The following CABP1 variants were observed in gnomAD, a reference collection of about 807,000 sequenced individuals.
CABP1 encodes calcium binding protein 1.
CABP1 carries 17 observed loss-of-function variants against 34.3 expected under a neutral mutation model. The ratio of observed to expected loss-of-function variants is 0.50; its 90% CI spans 0.34 to 0.74. The LOEUF is 0.74. Among genes scored for constraint, CABP1 ranks in the 30% least tolerant of loss-of-function variants. CABP1 has a pLI of 0.01. For missense variants in CABP1, 373 were observed against 511.1 expected (o/e 0.73, Z 2.61); for synonymous variants, 198 against 229.2 (o/e 0.86, Z 1.23).
Position 120,641,909 on chromosome 12 carries a change from C to CAGAG in CABP1, c.654+571_654+574dup, listed in dbSNP as rs1351343373. ...GTCTGGGTAGGCATGGAGGGGCATGCAGAGCTGTGGCTCAAACTGGAACTT... is the reference window on the plus strand; with the variant it reads ...GTCTGGGTAGGCATGGAGGGGCATGCAGAGAGAGCTGTGGCTCAAACTGGAACTT... On this transcript the variant is annotated intron_variant, in intron 1 of 5. Transcript: ENST00000316803. This position sits in a 1 kb window ranked among gnomAD's most constrained non-coding sequence, Gnocchi z 6.7. 6.6e-6 allele frequency among the ~76,000 whole-genome samples: 1 copy of CAGAG among 151,684 alleles called. No individual in the cohort carries two copies. The highest frequency in any genetic ancestry group is 1.5e-5 in the Non-Finnish European group (1 of 67,946).
chr12:120,652,231 G>A (rs1879890840), intron 1 of CABP1, among the ~76,000 whole-genome samples: 2 of 152,112 alleles, frequency 1.3e-5, no homozygotes, highest in African/African-American at 4.8e-5. Context: ...AACCATAATT[G>A]TTCCACTCTG....
intron 1 of CABP1, among the ~76,000 whole-genome samples, chr12:120,645,851 C>T (rs1713500625): frequency 6.6e-6 from 1 of 152,024 alleles, no homozygotes; most frequent in African/African-American, 2.4e-5. Context: ...ATGAGGAAGG[C>T]TCAAGAGAGA....
chr12:120,675,755 T>C, the CABP1 span, among the ~76,000 whole-genome samples: 1 of 152,322 alleles, frequency 6.6e-6, no homozygotes, highest in African/African-American at 2.4e-5. Context: ...CATAGTGTCT[T>C]CAGTGTCTAG....
chr12:120,674,643 C>A, the CABP1 span, among the ~76,000 whole-genome samples: 125 of 152,270 alleles, frequency 8.2e-4, no homozygotes, highest in Middle Eastern at 3.4e-3. Context: ...AATCTCAGCA[C>A]TTTGGGAGGC....
At chr12:120,659,684 G>T (rs3889469) in intron 1 of CABP1, 194 bp from the exon 2 acceptor site, 6 of 530,288 alleles carry the variant, frequency 1.1e-5, no homozygotes, top group Admixed American at 3.7e-5. Context: ...CCTGTTAGGG[G>T]CCCAGGAGCT....
chr12:120,673,874 G>A, the CABP1 span, among the ~76,000 whole-genome samples: 14 of 152,170 alleles, frequency 9.2e-5, 1 homozygote, highest in East Asian at 1.9e-4. Flanking sequence ...TGCCTGGCAC[G>A]CAGTAAGCAT....
downstream of CABP1, among the ~76,000 whole-genome samples, chr12:120,672,305 A>T (rs150604845): frequency 7.6e-4 from 116 of 152,256 alleles, no homozygotes; most frequent in East Asian, 0.022. Context: ...TACAGGTCAA[A>T]TGGCTCATAT....
intron 1 of CABP1, among the ~76,000 whole-genome samples, chr12:120,652,813 G>T (rs141767071): frequency 1.8e-3 from 267 of 152,266 alleles, no homozygotes; most frequent in African/African-American, 6.2e-3. Context: ...AGGTCATGAG[G>T]CACACTTGCC....
chr12:120,666,703 C>G (rs968586011), intron 5 of CABP1, among the ~76,000 whole-genome samples, 172 bp from the exon 6 acceptor site: 1 of 152,164 alleles, frequency 6.6e-6, no homozygotes, highest in South Asian at 2.1e-4. Flanking sequence ...GCGGTCAGAT[C>G]CGCAGATTAG....
At chr12:120,655,681 G>A in intron 1 of CABP1, 12 of 1,429,476 alleles carry the variant, frequency 8.4e-6, no homozygotes, top group Middle Eastern at 2.6e-4. Flanking sequence ...TGAATTGGGA[G>A]GTTGGGAGCA....
At chr12:120,655,701 A>C (rs1428604769) in intron 1 of CABP1, 1 of 1,428,054 alleles carries the variant, frequency 7.0e-7, no homozygotes, top group South Asian at 1.5e-5. Context: ...ATTTTGGGAA[A>C]GGATGTTGTC....
At chr12:120,677,163 C>G in the CABP1 span, among the ~76,000 whole-genome samples, 1 of 147,862 alleles carries the variant, frequency 6.8e-6, no homozygotes, top group African/African-American at 2.5e-5. Context: ...TCTCAGCTCA[C>G]TGCAACCTCC....
At chr12:120,652,426 G>A (rs544786527) in intron 1 of CABP1, among the ~76,000 whole-genome samples, 63 of 148,644 alleles carry the variant, frequency 4.2e-4, no homozygotes, top group Admixed American at 7.4e-4. Context: ...TCTCTTTTCC[G>A]CTACATAGTT....
At chr12:120,656,404 C>A in intron 1 of CABP1, 1 of 786,484 alleles carries the variant, frequency 1.3e-6, no homozygotes, top group South Asian at 2.6e-5. Flanking sequence ...GTTTTCCACT[C>A]ATGGCTACAA....
At position 120,660,930 on chromosome 12, in the gene CABP1, C is replaced by T; in HGVS notation, c.939+90C>T. ...CAAAAGAAGCCTGAGCCTCAAGTCC[C>T]AGATCAGGGGAGGGAGCTTGGACAG... On this transcript the variant is annotated intron_variant, in intron 4 of 5. Transcript: ENST00000316803. This position sits in a 1 kb window ranked among gnomAD's most constrained non-coding sequence, Gnocchi z 5.0. 7.2e-7 allele frequency: 1 copy of T among 1,383,250 alleles called. No individual in the cohort carries two copies. The highest frequency in any genetic ancestry group is 1.4e-5 in the African/African-American group (1 of 70,390). 85.7% of individuals were successfully genotyped at this position (1,383,250 alleles called of 1,614,324 possible).
chr12:120,671,320 C>G (rs1445932993), downstream of CABP1, among the ~76,000 whole-genome samples: 2 of 152,308 alleles, frequency 1.3e-5, no homozygotes, highest in East Asian at 3.9e-4. Context: ...AGGAGAATCA[C>G]TTGGGAGGCA....
chr12:120,652,695 C>T (rs555379), intron 1 of CABP1, among the ~76,000 whole-genome samples: 4 of 152,070 alleles, frequency 2.6e-5, no homozygotes, highest in Middle Eastern at 3.4e-3. Context: ...GTCCCCTCCC[C>T]GCTCACCAGG....
rs2137323812 is a variant in CABP1 at position 120,641,615 on chromosome 12, G to C, written c.654+276G>C. ...GCCAGAACCCGCCAGTCCTGGAAGA[G>C]AGCGACCTCTACGACCGTCCTGGAG... On this transcript the variant is annotated intron_variant, in intron 1 of 5. Transcript: ENST00000316803. This position sits in a 1 kb window ranked among gnomAD's most constrained non-coding sequence, Gnocchi z 6.7. 2.9e-6 allele frequency: 1 copy of C among 341,568 alleles called. No individual in the cohort carries two copies. The highest frequency in any genetic ancestry group is 5.3e-6 in the Non-Finnish European group (1 of 190,152). The allele number at this position is 341,568 out of a possible 1,614,324, so 21.2% of individuals were successfully genotyped here.
At chr12:120,655,956 G>T in intron 1 of CABP1, 1 of 1,542,964 alleles carries the variant, frequency 6.5e-7, no homozygotes, top group Non-Finnish European at 8.7e-7. Context: ...GCCTGTGCAC[G>T]CTCAGGGCTC....
Sources: gnomAD v4.1 joint callset for allele counts (sites outside exome capture counted in the v4.1 genomes callset) on GRCh38, gnomAD v4.1.1 for gene constraint, Gnocchi (gnomAD v3.1) non-coding constraint, MANE v1.5 for transcripts, NCBI Gene and HGNC (gene_info 2026-07-23, HGNC 2026-07-21) for gene names.